The following COLEC12 variants were observed in gnomAD, a reference collection of about 807,000 sequenced individuals.
The protein encoded by COLEC12 is collectin subfamily member 12, also known as collectin-12.
A neutral mutation model predicts 71.1 loss-of-function variants in COLEC12; 33 were observed. That is an observed-to-expected ratio of 0.46 (90% CI 0.35 to 0.62). The LOEUF (loss-of-function observed/expected upper bound fraction) is 0.62. Ranked by LOEUF, COLEC12 falls within the 20% of genes least tolerant of loss-of-function variation. The pLI is 0.00. For synonymous variants in COLEC12, 350 were observed against 353.0 expected (o/e 0.99, Z 0.10); for missense variants, 765 against 916.1 (o/e 0.84, Z 2.13).
At chr18:450,314 A>AG (rs1323582199) in intron 2 of COLEC12, among the ~76,000 whole-genome samples, 1 of 151,984 alleles carries the variant, frequency 6.6e-6, no homozygotes, top group African/African-American at 2.4e-5. Flanking sequence ...CCCAATGTTG[A>AG]GGGGGGGCCT....
At position 440,400 on chromosome 18, in the gene COLEC12, CAT is replaced by C. The variant is rs1222075995; in HGVS notation, c.58+40305_58+40306del. ...ACATACACACACACACACACACACA[CAT>C]ACACAGGTAACTATGTGAAGGGATA... On this transcript the variant is annotated intron_variant, in intron 2 of 9. Transcript: ENST00000400256. Among the ~76,000 whole-genome samples, 1,096 of 147,492 alleles carry C rather than the reference CAT, an allele frequency of 7.4e-3. 13 individuals are homozygous for C. The highest frequency in any genetic ancestry group is 0.016 in the African/African-American group (653 of 40,874).
At chr18:426,297 T>C (rs1268997824) in intron 2 of COLEC12, among the ~76,000 whole-genome samples, 2 of 151,346 alleles carry the variant, frequency 1.3e-5, no homozygotes, top group Non-Finnish European at 3.0e-5. Context: ...TTAATGGGTG[T>C]TGTCAATGGA....
At chr18:485,679 G>T (rs979830875) in intron 1 of COLEC12, among the ~76,000 whole-genome samples, 2 of 152,184 alleles carry the variant, frequency 1.3e-5, no homozygotes, top group African/African-American at 4.8e-5. Flanking sequence ...TTTATTCTTT[G>T]CACCTTGCTA....
intron 2 of COLEC12, among the ~76,000 whole-genome samples, chr18:373,183 CTG>C (rs1436913655): frequency 4.6e-5 from 7 of 152,314 alleles, no homozygotes; most frequent in Non-Finnish European, 7.3e-5. Context: ...ACACAGATTT[CTG>C]TGTCATAATC....
At chr18:366,863 G>C (rs1282547714) in intron 2 of COLEC12, among the ~76,000 whole-genome samples, 1 of 152,196 alleles carries the variant, frequency 6.6e-6, no homozygotes, top group Non-Finnish European at 1.5e-5. Context: ...GAGGGGCACA[G>C]CTCAGGGGCC....
intron 3 of COLEC12, among the ~76,000 whole-genome samples, chr18:354,202 C>A (rs116002890): frequency 6.6e-6 from 1 of 152,128 alleles, no homozygotes; most frequent in Non-Finnish European, 1.5e-5. Context: ...ATAAAAAGCC[C>A]GGGGCAGAGG....
At chr18:377,305 T>A (rs888100642) in intron 2 of COLEC12, among the ~76,000 whole-genome samples, 15 of 152,226 alleles carry the variant, frequency 9.9e-5, no homozygotes, top group African/African-American at 2.9e-4. Flanking sequence ...AGCAGCATGA[T>A]GCTCCCGGCA....
At chr18:397,098 G>A (rs1307097461) in intron 2 of COLEC12, among the ~76,000 whole-genome samples, 1 of 152,152 alleles carries the variant, frequency 6.6e-6, no homozygotes, top group Admixed American at 6.5e-5. Context: ...CCTTAGTTCT[G>A]TGTATCTATA....
chr18:322,836 G>A (rs1474955068), intron 8 of COLEC12, among the ~76,000 whole-genome samples: 2 of 152,168 alleles, frequency 1.3e-5, no homozygotes, highest in African/African-American at 4.8e-5. Context: ...CAAAACCAGA[G>A]GCAGCGGGAA....
intron 2 of COLEC12, among the ~76,000 whole-genome samples, chr18:398,203 A>G (rs1915610306): frequency 2.0e-5 from 3 of 152,262 alleles, no homozygotes; most frequent in African/African-American, 7.2e-5. Flanking sequence ...ACTGCTTCTT[A>G]TTCAGCAGAA....
rs185280846 is a variant in COLEC12 at position 361,079 on chromosome 18, T to C, written c.59-3557A>G. ...ATCATTTCTTCTCTTGTACTTATTC[T>C]CCAATTCAGTCACAGGCCTTGTGGG... On this transcript the variant is annotated intron_variant, in intron 2 of 9. Coordinates refer to ENST00000400256, the MANE Select transcript of COLEC12 (RefSeq NM_130386.3). 2.6e-4 allele frequency among the ~76,000 whole-genome samples: 39 copies of C among 152,332 alleles called. No homozygotes were observed. In the East Asian group the frequency reaches 7.1e-3, roughly 28 times the overall value.
At chr18:461,621 TG>T (rs1291128799) in intron 2 of COLEC12, among the ~76,000 whole-genome samples, 1 of 152,198 alleles carries the variant, frequency 6.6e-6, no homozygotes, top group Non-Finnish European at 1.5e-5. Context: ...TTCCTGAACT[TG>T]AGCAATTCTC....
intron 2 of COLEC12, among the ~76,000 whole-genome samples, chr18:476,045 T>C (rs902363267): frequency 3.3e-5 from 5 of 152,240 alleles, no homozygotes. Context: ...TGTTTGAAGC[T>C]ATAGCTATAG....
chr18:415,755 T>C lies in COLEC12; in HGVS notation c.59-58233A>G, dbSNP rs184897013. 1.6e-3 allele frequency among the ~76,000 whole-genome samples: 248 copies of C among 152,224 alleles called. 2 individuals carry two copies. Among genetic ancestry groups the C allele is most frequent in the African/African-American group, 5.7e-3 (238 of 41,554 alleles). On this transcript the variant is annotated intron_variant, in intron 2 of 9. Coordinates refer to ENST00000400256, the MANE Select transcript of COLEC12 (RefSeq NM_130386.3). The stretch of plus-strand genomic sequence containing the variant: ...CAAGGCACTGGGGCAAGCAGGTATG[T>C]GTCAGCAGAGAAAAGGAAGTGGCTC...
At chr18:339,892 A>G (rs1914205674) in intron 5 of COLEC12, among the ~76,000 whole-genome samples, 1 of 152,066 alleles carries the variant, frequency 6.6e-6, no homozygotes, top group Non-Finnish European at 1.5e-5. Context: ...TCCTCATAAA[A>G]AAGTAGATTA....
chr18:352,518 CA>C (rs142441862), intron 3 of COLEC12, among the ~76,000 whole-genome samples: 1 of 151,736 alleles, frequency 6.6e-6, no homozygotes, highest in Non-Finnish European at 1.5e-5. Context: ...AAAAAAAGAA[CA>C]AAAAAAATCT....
intron 2 of COLEC12, among the ~76,000 whole-genome samples, chr18:455,382 A>G (rs558557088): frequency 6.8e-6 from 1 of 147,552 alleles, no homozygotes; most frequent in African/African-American, 2.5e-5. Context: ...GGTTCATGCC[A>G]TTCTCCTGCC....
intron 2 of COLEC12, among the ~76,000 whole-genome samples, chr18:426,246 T>C (rs1007893953): frequency 1.3e-5 from 2 of 152,140 alleles, no homozygotes; most frequent in Admixed American, 1.3e-4. Context: ...ACACACTGTG[T>C]AGGATGTAAT....
intron 2 of COLEC12, among the ~76,000 whole-genome samples, chr18:404,850 C>A (rs1915754953): frequency 1.3e-5 from 2 of 152,170 alleles, no homozygotes; most frequent in African/African-American, 2.4e-5. Flanking sequence ...GGGAACAAGG[C>A]AAGACAACCA....
Sources: allele counts gnomAD v4.1 joint callset (sites outside exome capture counted in the v4.1 genomes callset), GRCh38; gene constraint gnomAD v4.1.1; transcripts MANE v1.5; gene names NCBI Gene and HGNC (gene_info 2026-07-23, HGNC 2026-07-21).